Variants in ARF1 observed in about 807,000 individuals in gnomAD.
ARF1 encodes ARF GTPase 1.
A neutral mutation model predicts 18.0 loss-of-function variants in ARF1; 1 was observed. The observed-to-expected ratio is 0.06, with a 90% CI of 0.02 to 0.26. ARF1 has a LOEUF of 0.26. ARF1 is among the 10% of genes least tolerant of loss of function. The probability of loss-of-function intolerance (pLI) is 1.00; values close to 1 mark genes in which losing one functional copy is unlikely to be tolerated. For missense variants in ARF1, 73 were observed against 247.2 expected, an observed-to-expected ratio of 0.30 and a Z score of 4.73; for synonymous variants, 112 against 96.3, an observed-to-expected ratio of 1.16 and a Z score of -0.95.
In ARF1 at chr1:228,097,681, G is replaced by A. The variant is rs752583036; in HGVS notation, c.350G>A (p.Arg117Gln). The A allele has an allele frequency of 7.4e-6, 12 of 1,613,368 alleles. No homozygotes were observed. The highest frequency in any genetic ancestry group is 9.3e-6 in the Non-Finnish European group (11 of 1,179,642). ...LMRMLAEDEL[R>Q]DAVLLVFANK... ...AGGATGCTGGCCGAGGACGAGCTCC[G>A]GGATGCTGTCCTCCTGGTGTTCGCC... Residue 117 changes from arginine (R) to glutamine (Q), a missense_variant, in exon 4 of 5, where the codon CGG becomes CAG. Transcript: ENST00000272102. The surrounding 1 kb of genome is among the most constrained non-coding windows in gnomAD (Gnocchi z 8.1).
At position 228,096,074 on chromosome 1, in the gene ARF1, G is replaced by A. The variant is rs147516885; in HGVS notation, c.-37-1004G>A. Among the ~76,000 whole-genome samples, 721 of 152,354 alleles carry A rather than the reference G, an allele frequency of 4.7e-3. 3 individuals are homozygous for A. Among genetic ancestry groups the A allele is most frequent in the African/African-American group, 0.016 (683 of 41,582 alleles). The stretch of plus-strand genomic sequence containing the variant: ...CACACCCACTGAAACACACAGGCAT[G>A]TGTGGGCTCTTGCTGATGTTGAGAA... On this transcript the variant is annotated intron_variant, in intron 1 of 4. Coordinates refer to ENST00000272102, the MANE Select transcript of ARF1 (RefSeq NM_001658.4).
chr1:228,094,141 T>C (rs952542141), intron 1 of ARF1, among the ~76,000 whole-genome samples: 1 of 152,112 alleles, frequency 6.6e-6, no homozygotes, highest in East Asian at 1.9e-4. Flanking sequence ...GGTGACGGTG[T>C]GACACCCCTT....
In ARF1 at chr1:228,082,890, G is replaced by T. The variant is rs2032256654; in HGVS notation, c.-38+125G>T. The T allele has an allele frequency of 2.0e-5, 3 of 152,792 alleles. No homozygotes were observed. Among genetic ancestry groups the T allele is most frequent in the South Asian group, 3.8e-4 (2 of 5,306 alleles). The allele number at this position is 152,792 out of a possible 1,614,324, so 9.5% of individuals were successfully genotyped here. On this transcript the variant is annotated intron_variant, in intron 1 of 4. Coordinates refer to ENST00000272102, the MANE Select transcript of ARF1 (RefSeq NM_001658.4). This position sits in a 1 kb window ranked among gnomAD's most constrained non-coding sequence, Gnocchi z 6.1. ...CGTCGACCCCCGCGGCGGCGGCGGC[G>T]ACAGGGCCGGGCCGGGGGCGGACGC...
rs376688688 is a variant in ARF1, at chr1:228,097,301, T to C, written c.148+39T>C. ...CAGCAGGGAGTGGGCTGGGCTGGGC[T>C]GGGCCAAGGTACAAGGCCTCACCCT... On this transcript the variant is annotated intron_variant, in intron 2 of 4. Coordinates refer to ENST00000272102, the MANE Select transcript of ARF1 (RefSeq NM_001658.4). The surrounding 1 kb of genome is among the most constrained non-coding windows in gnomAD (Gnocchi z 8.1). The C allele has an allele frequency of 1.2e-6, 2 of 1,610,044 alleles. No homozygotes were observed. Among genetic ancestry groups the C allele is most frequent in the Non-Finnish European group, 8.5e-7 (1 of 1,177,396 alleles).
intron 1 of ARF1, chr1:228,091,206 C>T (rs1287127251): frequency 1.3e-5 from 2 of 152,186 alleles, no homozygotes; most frequent in Non-Finnish European, 2.9e-5. Flanking sequence ...AGTACACAAA[C>T]TGATTTAAGA....
chr1:228,090,450 G>C (rs1314226192), intron 1 of ARF1: 3 of 152,248 alleles, frequency 2.0e-5, no homozygotes, highest in African/African-American at 7.2e-5. Flanking sequence ...AGGGAGAGGT[G>C]GGGGTAGGGG....
At chr1:228,083,808 C>T (rs999223276) in intron 1 of ARF1, among the ~76,000 whole-genome samples, 2 of 152,236 alleles carry the variant, frequency 1.3e-5, no homozygotes, top group East Asian at 1.9e-4. Context: ...ACGGCACCTC[C>T]TGGCACTCCC....
At chr1:228,083,472 C>G (rs1330273131) in intron 1 of ARF1, 2 of 152,268 alleles carry the variant, frequency 1.3e-5, no homozygotes, top group Non-Finnish European at 2.9e-5. Flanking sequence ...TCCGGGGGAG[C>G]CCAGAGTGCC....
At chr1:228,096,951 C>T in intron 1 of ARF1, 127 bp from the exon 2 acceptor site, 1 of 855,814 alleles carries the variant, frequency 1.2e-6, no homozygotes, top group Non-Finnish European at 1.7e-6. Flanking sequence ...AGGCAGGGCT[C>T]TTTCCCTGTT....
At chr1:228,087,241 C>T (rs779551961) in intron 1 of ARF1, among the ~76,000 whole-genome samples, 8 of 152,142 alleles carry the variant, frequency 5.3e-5, no homozygotes, top group Admixed American at 2.0e-4. Flanking sequence ...GTACCATATA[C>T]GCTATGCGGG....
chr1:228,092,739 G>A (rs1480890934), intron 1 of ARF1, among the ~76,000 whole-genome samples: 3 of 152,198 alleles, frequency 2.0e-5, no homozygotes, highest in Admixed American at 6.5e-5. Flanking sequence ...GCAAGGGACC[G>A]AGGACAGTAC....
intron 1 of ARF1, among the ~76,000 whole-genome samples, chr1:228,094,372 TAAC>T (rs757509807): frequency 1.2e-4 from 18 of 152,250 alleles, no homozygotes; most frequent in African/African-American, 4.1e-4. Flanking sequence ...CCCCTAGTAA[TAAC>T]AACATCAGGA....
chr1:228,087,668 A>C (rs2032448469), intron 1 of ARF1, among the ~76,000 whole-genome samples: 1 of 152,130 alleles, frequency 6.6e-6, no homozygotes, highest in Non-Finnish European at 1.5e-5. Context: ...CCTACTCATC[A>C]GCTGAGGACC....
rs2032839871 is a variant in ARF1, at chr1:228,098,575, T to A, written c.*562T>A. 1 of 152,772 alleles carries A rather than the reference T, an allele frequency of 6.5e-6. No homozygotes were observed. 9.5% of individuals were successfully genotyped at this position (152,772 alleles called of 1,614,324 possible). On this transcript the variant is annotated 3_prime_UTR_variant, in exon 5 of 5. Coordinates refer to ENST00000272102, the MANE Select transcript of ARF1 (RefSeq NM_001658.4). ...GTGGTGGTGGCGCAGCAGACTGCGA[T>A]CAATTCTGCATGGTCACAGTAGAGA... is the stretch of plus-strand genomic sequence containing the variant.
At chr1:228,084,984 G>GCGGGCCCAT (rs1471533341) in intron 1 of ARF1, among the ~76,000 whole-genome samples, 3 of 152,256 alleles carry the variant, frequency 2.0e-5, no homozygotes, top group Non-Finnish European at 4.4e-5. Context: ...GCCTGGGCTG[G>GCGGGCCCAT]CGGGCCCATA....
chr1:228,098,061 A>G lies in ARF1; in HGVS notation c.*48A>G. On this transcript the variant is annotated 3_prime_UTR_variant, in exon 5 of 5. Transcript: ENST00000272102. ...TCCTCTTGCCCTCTGCTTTACTCTC[A>G]TGTGGCAAACGTGCGGCTCGTGGTG... is the stretch of plus-strand genomic sequence containing the variant. 6.4e-7 allele frequency: 1 copy of G among 1,559,452 alleles called. No individual in the cohort carries two copies. Among genetic ancestry groups the G allele is most frequent in the Non-Finnish European group, 8.7e-7 (1 of 1,147,882 alleles).
chr1:228,097,957 G>A lies in ARF1; in HGVS notation c.490G>A (p.Asp164Asn), dbSNP rs2032807541. 6.2e-7 allele frequency: 1 copy of A among 1,614,164 alleles called. No individual in the cohort carries two copies. The highest frequency in any genetic ancestry group is 8.5e-7 in the Non-Finnish European group (1 of 1,180,042). ...YIQATCATSGDGLYEGLDWLS... is the reference protein window; with the variant it reads ...YIQATCATSGNGLYEGLDWLS... ...TCAGGCCACCTGCGCCACCAGCGGC[G>A]ACGGGCTCTATGAAGGACTGGACTG... The change falls in exon 5 of 5, where the codon GAC (aspartate) becomes AAC (asparagine). Residue 164 changes from aspartate to asparagine, a missense_variant. Coordinates refer to ENST00000272102, the MANE Select transcript of ARF1 (RefSeq NM_001658.4). The surrounding 1 kb of genome is among the most constrained non-coding windows in gnomAD (Gnocchi z 8.1).
At position 228,098,184 on chromosome 1, in the gene ARF1, T is replaced by C. The variant is rs1022057806; in HGVS notation, c.*171T>C. Reference sequence around the variant, plus strand: ...GCCTGCGGCCAGGCTTTTTATTTAATGTAAATAGTTTTTGTTTCCAATGAG... The same window carrying C: ...GCCTGCGGCCAGGCTTTTTATTTAACGTAAATAGTTTTTGTTTCCAATGAG... On this transcript the variant is annotated 3_prime_UTR_variant, in exon 5 of 5. Transcript: ENST00000272102. 9.4e-6 allele frequency: 7 copies of C among 741,576 alleles called. No individual in the cohort carries two copies. The highest frequency in any genetic ancestry group is 1.4e-5 in the Non-Finnish European group (7 of 488,362). The allele number at this position is 741,576 out of a possible 1,614,324, so 45.9% of individuals were successfully genotyped here.
In ARF1 at chr1:228,097,860, C is replaced by A. The variant is rs1406693014; in HGVS notation, c.393C>A (p.Pro131=). Residue 131 remains proline (P), a synonymous_variant, in exon 5 of 5, where the codon CCC becomes CCA. Coordinates refer to ENST00000272102, the MANE Select transcript of ARF1 (RefSeq NM_001658.4). The surrounding 1 kb of genome is among the most constrained non-coding windows in gnomAD (Gnocchi z 8.1). ...LLVFANKQDL[P]NAMNAAEITD... ...ACCCTTCCTTCCCCCAGGACCTCCC[C>A]AACGCCATGAATGCGGCCGAGATCA... is the stretch of plus-strand genomic sequence containing the variant. 1 of 1,613,670 alleles carries A rather than the reference C, an allele frequency of 6.2e-7. No individual in the cohort carries two copies. Among genetic ancestry groups the A allele is most frequent in the Non-Finnish European group, 8.5e-7 (1 of 1,179,784 alleles).
Sources: gnomAD v4.1 joint callset for allele counts (sites outside exome capture counted in the v4.1 genomes callset) on GRCh38, gnomAD v4.1.1 for gene constraint, Gnocchi (gnomAD v3.1) non-coding constraint, MANE v1.5 for transcripts, NCBI Gene and HGNC (gene_info 2026-07-23, HGNC 2026-07-21) for gene names.